SLC11A2: variants seen among roughly 807,000 people sequenced by gnomAD.
The protein encoded by SLC11A2 is natural resistance-associated macrophage protein 2.
Under a neutral mutation model 68.0 loss-of-function variants are expected in SLC11A2, and 38 were observed. The observed-to-expected ratio is 0.56, with a 90% CI of 0.43 to 0.73. The LOEUF is 0.73. Among genes scored for constraint, SLC11A2 ranks in the 30% least tolerant of loss-of-function variants. The pLI is 0.00. For missense variants in SLC11A2, 517 were observed against 690.5 expected (o/e 0.75, Z 2.82); for synonymous variants, 242 against 250.6 (o/e 0.97, Z 0.32).
At chr12:50,952,521 G>A in the SLC11A2 span, among the ~76,000 whole-genome samples, 37 of 152,284 alleles carry the variant, frequency 2.4e-4, no homozygotes, top group African/African-American at 8.7e-4. Flanking sequence ...TACAAGGTCA[G>A]AACAGAAGCA....
chr12:51,009,831 T>C (rs1183968255), intron 2 of SLC11A2, among the ~76,000 whole-genome samples: 1 of 152,170 alleles, frequency 6.6e-6, no homozygotes, highest in Non-Finnish European at 1.5e-5. Context: ...AAATTTCAGC[T>C]AATCTTGGCT....
At position 51,019,005 on chromosome 12, in the gene SLC11A2, G is replaced by A. The variant is rs150861654; in HGVS notation, c.-39+7305C>T. 1.3e-3 allele frequency among the ~76,000 whole-genome samples: 199 copies of A among 151,980 alleles called. 7 individuals carry two copies. In the East Asian group the frequency reaches 0.035, roughly 27 times the overall value. The stretch of plus-strand genomic sequence containing the variant: ...ATAAAATCAAAGACAACATTAAATA[G>A]GAAAAAACTTTCATAGAAGCAGCCA... On this transcript the variant is annotated intron_variant, in intron 1 of 15. Transcript: ENST00000262052.
upstream of SLC11A2, chr12:51,028,077 C>G: frequency 1.5e-6 from 1 of 689,564 alleles, no homozygotes; most frequent in Non-Finnish European, 2.3e-6. Flanking sequence ...GGAACCTTTC[C>G]TTTGGCAACT....
chr12:51,022,053 C>T (rs1319798991), intron 1 of SLC11A2, among the ~76,000 whole-genome samples: 2 of 152,186 alleles, frequency 1.3e-5, no homozygotes, highest in Admixed American at 1.3e-4. Flanking sequence ...TGAATGCTCA[C>T]AAGTCAGGGT....
At chr12:51,009,854 G>T (rs1489333103) in intron 2 of SLC11A2, among the ~76,000 whole-genome samples, 1 of 152,110 alleles carries the variant, frequency 6.6e-6, no homozygotes, top group Non-Finnish European at 1.5e-5. Context: ...ACTCAGAATT[G>T]TAAAAAAGAT....
chr12:51,003,520 C>T (rs968992417), intron 5 of SLC11A2, among the ~76,000 whole-genome samples: 1 of 151,412 alleles, frequency 6.6e-6, no homozygotes, highest in African/African-American at 2.4e-5. Flanking sequence ...ACTCTGAACT[C>T]CAGCCTGGGC....
chr12:50,993,485 G>A (rs1267826414), intron 11 of SLC11A2, among the ~76,000 whole-genome samples: 2 of 151,838 alleles, frequency 1.3e-5, no homozygotes, highest in Non-Finnish European at 2.9e-5. Flanking sequence ...TTGAGCCCAG[G>A]AGTTTGAGAC....
chr12:50,974,894 G>A (rs1939828946), downstream of SLC11A2, among the ~76,000 whole-genome samples: 2 of 152,092 alleles, frequency 1.3e-5, no homozygotes, highest in South Asian at 2.1e-4. Flanking sequence ...AGACAAAGAA[G>A]GCCATTACAT....
the SLC11A2 span, among the ~76,000 whole-genome samples, chr12:50,962,114 A>G: frequency 6.6e-6 from 1 of 152,202 alleles, no homozygotes; most frequent in Non-Finnish European, 1.5e-5. Flanking sequence ...GGCTGGGCGC[A>G]GTGGCTTGCA....
chr12:50,953,198 T>C, the SLC11A2 span, among the ~76,000 whole-genome samples: 1 of 152,184 alleles, frequency 6.6e-6, no homozygotes, highest in Admixed American at 6.5e-5. Context: ...CCTGTTCTGA[T>C]CTACAGCCTC....
rs1940809286 is a variant in SLC11A2, at chr12:50,988,366, C to T, written c.1645G>A (p.Gly549Ser). The T allele has an allele frequency of 6.2e-7, 1 of 1,614,054 alleles. No individual in the cohort carries two copies. Among genetic ancestry groups the T allele is most frequent in the Admixed American group, 1.7e-5 (1 of 60,016 alleles). Residue 549 changes from glycine to serine, a missense_variant, in exon 16 of 16, where the codon GGC becomes AGC. By Grantham distance (56) the Gly-to-Ser change is moderately conservative. Coordinates refer to ENST00000262052, the MANE Select transcript of SLC11A2 (RefSeq NM_000617.3). Reference sequence around the variant, plus strand: ...CGGGTGGCTTCTTCTGTCAGCAGGCCTTTAGAGATGCTTACCGTATGCCCA... The same window carrying T: ...CGGGTGGCTTCTTCTGTCAGCAGGCTTTTAGAGATGCTTACCGTATGCCCA... ...DCGHTVSISK[G>S]LLTEEATRGY...
chr12:50,958,861 A>C, the SLC11A2 span, among the ~76,000 whole-genome samples: 1 of 151,490 alleles, frequency 6.6e-6, no homozygotes, highest in Non-Finnish European at 1.5e-5. Context: ...TACTAAAAAT[A>C]CAAAAGTTGG....
chr12:51,025,838 T>C (rs224575), intron 1 of SLC11A2: 563,476 of 987,242 alleles, frequency 0.57, 163,019 homozygotes, highest in Admixed American at 0.63. Flanking sequence ...GGTTAGGTTA[T>C]AATGAGTCTT....
intron 9 of SLC11A2, among the ~76,000 whole-genome samples, chr12:50,996,611 AC>A (rs1183212863): frequency 1.3e-5 from 2 of 151,694 alleles, no homozygotes; most frequent in East Asian, 3.9e-4. Context: ...CTTTAGCCCC[AC>A]CTGCTTTATG....
chr12:50,963,459 T>C, the SLC11A2 span, among the ~76,000 whole-genome samples: 1 of 141,116 alleles, frequency 7.1e-6, no homozygotes, highest in African/African-American at 2.6e-5. Flanking sequence ...GCTAGAACAA[T>C]ACACAGGACA....
chr12:51,026,226 C>A (rs1463202329), intron 1 of SLC11A2, 84 bp downstream of exon 1: 1 of 1,225,226 alleles, frequency 8.2e-7, no homozygotes, highest in African/African-American at 1.6e-5. Flanking sequence ...GAGCCTGACC[C>A]CCGACACAGG....
At chr12:50,994,805 T>C (rs1301612999) in intron 10 of SLC11A2, 175 bp from the exon 11 acceptor site, 11 of 561,126 alleles carry the variant, frequency 2.0e-5, no homozygotes, top group Admixed American at 3.1e-5. Context: ...TCTTCCTCTA[T>C]AATCCTTCTA....
At chr12:50,953,970 T>C in the SLC11A2 span, 6 of 1,333,030 alleles carry the variant, frequency 4.5e-6, no homozygotes, top group Non-Finnish European at 6.5e-6. Flanking sequence ...GGCAACCACA[T>C]TTATATCCTA....
At chr12:50,954,239 G>A in the SLC11A2 span, 1 of 535,056 alleles carries the variant, frequency 1.9e-6, no homozygotes, top group African/African-American at 1.9e-5. Flanking sequence ...TGAACTTTCA[G>A]AATAGTTCCT....
Sources: allele counts gnomAD v4.1 joint callset (sites outside exome capture counted in the v4.1 genomes callset), GRCh38; gene constraint gnomAD v4.1.1; transcripts MANE v1.5; gene names NCBI Gene and HGNC (gene_info 2026-07-23, HGNC 2026-07-21).